Variants in SELENOO observed in about 807,000 individuals in gnomAD.
SELENOO encodes the protein selenoprotein O.
Under a neutral mutation model 58.7 loss-of-function variants are expected in SELENOO, and 74 were observed. The observed-to-expected ratio is 1.26, with a 90% confidence interval of 1.04 to 1.53. The LOEUF is 1.53. SELENOO is among the 40% of genes most tolerant of loss of function. SELENOO has a pLI of 0.00. For missense variants in SELENOO, 1,149 were observed against 970.0 expected (o/e 1.18, Z -2.45); for synonymous variants, 543 against 453.2 (o/e 1.20, Z -2.52).
chr22:50,202,827 G>A (rs774971545), intron 1 of SELENOO, among the ~76,000 whole-genome samples: 29 of 152,266 alleles, frequency 1.9e-4, no homozygotes, highest in Non-Finnish European at 3.4e-4. Flanking sequence ...CACGTGTCCT[G>A]GGGTCCCTGG....
chr22:50,202,136 C>T (rs2064306809), intron 1 of SELENOO, among the ~76,000 whole-genome samples: 1 of 152,260 alleles, frequency 6.6e-6, no homozygotes, highest in East Asian at 1.9e-4. Flanking sequence ...TGTGTATAGA[C>T]AGCGCTTGGG....
rs201026328 is a variant in SELENOO at position 50,217,308 on chromosome 22, G to A, written c.1949G>A (p.Arg650His). 68 of 1,612,648 alleles carry A rather than the reference G, an allele frequency of 4.2e-5. No homozygotes were observed. Among genetic ancestry groups the A allele is most frequent in the East Asian group, 1.1e-4 (5 of 44,884 alleles). ...TEADGADGRQRSYSSKPPLWA... is the reference protein window; with the variant it reads ...TEADGADGRQHSYSSKPPLWA... Reference sequence around the variant, plus strand: ...GCCGACGGGGCGGACGGCAGGCAGCGCTCCTACAGCAGTAAGCCCCCGCTC... The same window carrying A: ...GCCGACGGGGCGGACGGCAGGCAGCACTCCTACAGCAGTAAGCCCCCGCTC... The change falls in exon 9 of 9, where the codon CGC becomes CAC. Residue 650 changes from arginine (R) to histidine (H), a missense_variant. Coordinates refer to ENST00000380903, the MANE Select transcript of SELENOO (RefSeq NM_031454.2).
Position 50,217,005 on chromosome 22 carries a change from G to A in SELENOO, c.1722G>A (p.Gly574=), listed in dbSNP as rs1479260314. The A allele has an allele frequency of 1.9e-6, 3 of 1,611,318 alleles. No homozygotes were observed. The highest frequency in any genetic ancestry group is 1.7e-5 in the Admixed American group (1 of 59,984). Residue 574 remains glycine, a synonymous_variant, in exon 8 of 9, where the codon GGG becomes GGA. Coordinates refer to ENST00000380903, the MANE Select transcript of SELENOO (RefSeq NM_031454.2). ...ARLDKDLEGA[G]DAAAWQAEHV... is the part of the protein sequence containing the mutation. Reference sequence around the variant, plus strand: ...TGGACAAGGACCTGGAAGGCGCTGGGGACGCTGCCGCCTGGCAGGCTGAGC... The same window carrying A: ...TGGACAAGGACCTGGAAGGCGCTGGAGACGCTGCCGCCTGGCAGGCTGAGC...
In SELENOO at chr22:50,216,979, C is replaced by T. The variant is rs768927896; in HGVS notation, c.1696C>T (p.Leu566=). The change falls in exon 8 of 9, where the codon CTG becomes TTG. Residue 566 remains leucine (L), a synonymous_variant. Transcript: ENST00000380903. ...ADWLQAYRAR[L]DKDLEGAGDA... Reference sequence around the variant, plus strand: ...GCCCGGATGTCATTCCAGAGCCCGGCTGGACAAGGACCTGGAAGGCGCTGG... The same window carrying T: ...GCCCGGATGTCATTCCAGAGCCCGGTTGGACAAGGACCTGGAAGGCGCTGG... 3 of 1,608,438 alleles carry T rather than the reference C, an allele frequency of 1.9e-6. No homozygotes were observed. Among genetic ancestry groups the T allele is most frequent in the Non-Finnish European group, 2.5e-6 (3 of 1,178,084 alleles).
intron 5 of SELENOO, among the ~76,000 whole-genome samples, chr22:50,214,316 T>G (rs982531532): frequency 6.6e-6 from 1 of 152,112 alleles, no homozygotes; most frequent in Non-Finnish European, 1.5e-5. Flanking sequence ...CTTCTGACAA[T>G]TTTTTATTTA....
chr22:50,204,672 G>A (rs571542530), intron 1 of SELENOO, among the ~76,000 whole-genome samples: 2 of 152,056 alleles, frequency 1.3e-5, no homozygotes, highest in East Asian at 3.9e-4. Flanking sequence ...TGGAGAAATT[G>A]GAACCCTTCT....
At position 50,216,785 on chromosome 22, in the gene SELENOO, G is replaced by A; in HGVS notation, c.1597G>A (p.Val533Met). The change falls in exon 7 of 9, where the codon GTG becomes ATG. Residue 533 changes from valine (V) to methionine (M), a missense_variant. By Grantham distance (21) the Val-to-Met change is conservative. Coordinates refer to ENST00000380903, the MANE Select transcript of SELENOO (RefSeq NM_031454.2). ...RAGIARELER[V>M]EQQSRLEQLS... ...AGGCATCGCCAGGGAGCTGGAGCGT[G>A]TGGAGCAGCAGTCTCGGCTGGAGCA... 1 of 1,609,272 alleles carries A rather than the reference G, an allele frequency of 6.2e-7. No homozygotes were observed. The highest frequency in any genetic ancestry group is 8.5e-7 in the Non-Finnish European group (1 of 1,179,868).
rs376265596 is a variant in SELENOO, at chr22:50,216,863, C to T, written c.1675C>T (p.Leu559=). 1.4e-5 allele frequency: 23 copies of T among 1,607,718 alleles called. No homozygotes were observed. In the South Asian group the frequency reaches 1.8e-4, roughly 12 times the overall value. The change falls in exon 7 of 9, where the codon CTA becomes TTA. Residue 559 remains leucine, a synonymous_variant. Transcript: ENST00000380903. ...GAACCAGGGCCACTGGGCTGACTGGCTACAGGCGTACAGGTGAGCCCTGCG... is the reference window on the plus strand; with the variant it reads ...GAACCAGGGCCACTGGGCTGACTGGTTACAGGCGTACAGGTGAGCCCTGCG... ...SRNQGHWADW[L]QAYRARLDKD... is the part of the protein sequence containing the mutation.
In SELENOO at chr22:50,210,201, G is replaced by T. The variant is rs1301105707; in HGVS notation, c.960G>T (p.Arg320=). 6.2e-7 allele frequency: 1 copy of T among 1,613,428 alleles called. No homozygotes were observed. Among genetic ancestry groups the T allele is most frequent in the East Asian group, 2.2e-5 (1 of 44,876 alleles). ...FFREVTRRTA[R]MVAEWQCVGF... is the part of the protein sequence containing the mutation. The stretch of plus-strand genomic sequence containing the variant: ...CCCAGGTGACGCGGCGCACGGCGCG[G>T]ATGGTGGCCGAGTGGCAGTGTGTGG... Residue 320 remains arginine, a synonymous_variant, in exon 4 of 9, where the codon CGG becomes CGT. Coordinates refer to ENST00000380903, the MANE Select transcript of SELENOO (RefSeq NM_031454.2).
intron 6 of SELENOO, 39 bp downstream of exon 6, chr22:50,215,906 GA>G (rs757128136): frequency 1.3e-6 from 2 of 1,549,624 alleles, no homozygotes; most frequent in East Asian, 2.3e-5. Flanking sequence ...TTTGTTTCCA[GA>G]AAAGGAAGCA....
At chr22:50,212,619 C>T (rs1349950558) in intron 5 of SELENOO, among the ~76,000 whole-genome samples, 1 of 152,216 alleles carries the variant, frequency 6.6e-6, no homozygotes, top group East Asian at 1.9e-4. Flanking sequence ...CATTCCCCTC[C>T]CTGCAGCCCC....
In SELENOO at chr22:50,201,381, G is replaced by T. The variant is rs897355754; in HGVS notation, c.345G>T (p.Glu115Asp). ...GCCTGGGCGCGCCGCCCGCGCGCGA[G>T]GCCGAGGCCGAGGCCGCGCTGTTCT... ...LLGLGAPPAREAEAEAALFFS... is the reference protein window; with the variant it reads ...LLGLGAPPARDAEAEAALFFS... Residue 115 changes from glutamate (E) to aspartate (D), a missense_variant, in exon 1 of 9, where the codon GAG becomes GAT. By Grantham distance (45) the Glu-to-Asp change is conservative. Coordinates refer to ENST00000380903, the MANE Select transcript of SELENOO (RefSeq NM_031454.2). The T allele has an allele frequency of 3.9e-5, 48 of 1,243,272 alleles. No homozygotes were observed. Among genetic ancestry groups the T allele is most frequent in the Non-Finnish European group, 3.8e-5 (38 of 992,364 alleles). The allele number at this position is 1,243,272 out of a possible 1,614,324, so 77.0% of individuals were successfully genotyped here. A position where few individuals can be genotyped will look rare whatever the true frequency, so the allele number is the denominator to read the frequency against.
intron 2 of SELENOO, among the ~76,000 whole-genome samples, chr22:50,208,214 G>A (rs1050762803): frequency 2.6e-5 from 4 of 152,024 alleles, no homozygotes; most frequent in Non-Finnish European, 5.9e-5. Flanking sequence ...GGTGGATCAC[G>A]AGGTCAGGAG....
chr22:50,214,642 G>A (rs562913133), intron 5 of SELENOO, among the ~76,000 whole-genome samples: 2 of 152,248 alleles, frequency 1.3e-5, no homozygotes, highest in South Asian at 4.2e-4. Flanking sequence ...GCGGATGCCT[G>A]TAATCCCAGC....
rs1313287200 is a variant in SELENOO at position 50,206,509 on chromosome 22, C to A, written c.747C>A (p.Ser249=). The change falls in exon 2 of 9, where the codon TCC becomes TCA. Residue 249 remains serine, a synonymous_variant. Transcript: ENST00000380903. ...EQCTVVLRVA[S]TFIRFGSFEI... ...GCACGGTTGTGTTGCGTGTAGCTTC[C>A]ACTTTCATAAGGTAATGCCGGGGGC... 1 of 1,613,590 alleles carries A rather than the reference C, an allele frequency of 6.2e-7. No homozygotes were observed. Among genetic ancestry groups the A allele is most frequent in the Admixed American group, 1.7e-5 (1 of 59,954 alleles).
chr22:50,207,012 C>T (rs1004334112), intron 2 of SELENOO, among the ~76,000 whole-genome samples: 2 of 152,220 alleles, frequency 1.3e-5, no homozygotes, highest in Admixed American at 1.3e-4. Context: ...AAGCAGGAGC[C>T]GCAAGCTGTG....
At chr22:50,217,151 G>A in intron 8 of SELENOO, 23 bp downstream of exon 8, 2 of 1,611,282 alleles carry the variant, frequency 1.2e-6, no homozygotes, top group African/African-American at 1.3e-5. Flanking sequence ...CTGTCCCTGT[G>A]GTCCCTGGGA....
chr22:50,206,436 C>T lies in SELENOO; in HGVS notation c.674C>T (p.Thr225Met), dbSNP rs370218886. 83 of 1,614,218 alleles carry T rather than the reference C, an allele frequency of 5.1e-5. No homozygotes were observed. The highest frequency in any genetic ancestry group is 6.0e-5 in the Non-Finnish European group (71 of 1,180,034). ...GGCGCCTGCGTCACGTCCGAGTCCA[C>T]GGTGGTGCGCGACGTGTTCTATGAT... ...RAGACVTSES[T>M]VVRDVFYDGN... The change falls in exon 2 of 9, where the codon ACG (threonine) becomes ATG (methionine). Residue 225 changes from threonine (T) to methionine (M), a missense_variant. Coordinates refer to ENST00000380903, the MANE Select transcript of SELENOO (RefSeq NM_031454.2).
intron 5 of SELENOO, among the ~76,000 whole-genome samples, chr22:50,215,089 G>C (rs1019284886): frequency 1.3e-5 from 2 of 152,142 alleles, no homozygotes; most frequent in Non-Finnish European, 2.9e-5. Context: ...TTCTCATTTT[G>C]TTTTTAAGAC....
Sources: gnomAD v4.1 joint callset for allele counts (sites outside exome capture counted in the v4.1 genomes callset) on GRCh38, gnomAD v4.1.1 for gene constraint, MANE v1.5 for transcripts, NCBI Gene and HGNC (gene_info 2026-07-23, HGNC 2026-07-21) for gene names.